URGCP: variants seen among roughly 807,000 people sequenced by gnomAD.
URGCP encodes up-regulator of cell proliferation.
In URGCP, 13 loss-of-function variants were observed where a neutral mutation model predicts 24.6. The observed-to-expected ratio is 0.53, with a 90% confidence interval of 0.34 to 0.84. The LOEUF is 0.84. Ranked by LOEUF, URGCP falls within the 40% of genes least tolerant of loss-of-function variation. The pLI is 0.01. For missense variants in URGCP, 899 were observed against 1,194.3 expected, an observed-to-expected ratio of 0.75 and a Z score of 3.64; for synonymous variants, 444 against 487.2, an observed-to-expected ratio of 0.91 and a Z score of 1.17.
intron 5 of URGCP, chr7:43,881,376 G>A: frequency 1.6e-6 from 1 of 622,206 alleles, no homozygotes; most frequent in Non-Finnish European, 2.8e-6. Context: ...ACATCTCTGG[G>A]TTTCACCTCC....
chr7:43,915,735 G>A (rs758491795), intron 1 of URGCP, among the ~76,000 whole-genome samples: 6 of 152,336 alleles, frequency 3.9e-5, no homozygotes, highest in African/African-American at 9.6e-5. Context: ...TTGGCCAGGC[G>A]CAATGGCTCA....
At chr7:43,915,061 A>C (rs969763686) in intron 1 of URGCP, among the ~76,000 whole-genome samples, 1 of 152,170 alleles carries the variant, frequency 6.6e-6, no homozygotes, top group African/African-American at 2.4e-5. Flanking sequence ...TCTTCAGCTC[A>C]TGTGTGTTGG....
intron 1 of URGCP, chr7:43,906,215 C>T (rs1049347409): frequency 6.6e-6 from 1 of 152,334 alleles, no homozygotes; most frequent in Non-Finnish European, 1.5e-5. Flanking sequence ...AGGACCCGCA[C>T]CCCGGTTCCC....
At chr7:43,881,484 T>G (rs1333559092) in intron 5 of URGCP, among the ~76,000 whole-genome samples, 175 bp downstream of exon 5, 2 of 151,018 alleles carry the variant, frequency 1.3e-5, no homozygotes, top group East Asian at 1.9e-4. Context: ...GTTTTTTTTT[T>G]TTTTTTTTTT....
At chr7:43,918,516 A>C (rs182182765) in intron 1 of URGCP, among the ~76,000 whole-genome samples, 160 of 152,114 alleles carry the variant, frequency 1.1e-3, no homozygotes, top group Non-Finnish European at 1.2e-4. Context: ...CCTGACCTCA[A>C]GTGATCCGCC....
chr7:43,893,736 T>C (rs2095874376), intron 1 of URGCP, among the ~76,000 whole-genome samples: 1 of 152,170 alleles, frequency 6.6e-6, no homozygotes, highest in Non-Finnish European at 1.5e-5. Context: ...ACGGGTGTGA[T>C]GGCACATGCC....
intron 1 of URGCP, among the ~76,000 whole-genome samples, chr7:43,900,712 A>G (rs556225620): frequency 6.6e-6 from 1 of 152,268 alleles, no homozygotes; most frequent in Non-Finnish European, 1.5e-5. Flanking sequence ...CAGGCTCCCA[A>G]AGTGCTGGGA....
At chr7:43,883,352 ATATATATATATTTTTT>A (rs1164446719) in intron 3 of URGCP, among the ~76,000 whole-genome samples, 2 of 97,004 alleles carry the variant, frequency 2.1e-5, no homozygotes, top group African/African-American at 1.3e-4. Flanking sequence ...ATATATATAT[ATATATATATATTTTTT>A]TTTTTTTTTT....
intron 3 of URGCP, among the ~76,000 whole-genome samples, chr7:43,885,778 C>T (rs549440192): frequency 5.3e-5 from 8 of 152,362 alleles, no homozygotes; most frequent in African/African-American, 1.9e-4. Flanking sequence ...ACCTCCCAAG[C>T]TGAAGTTCTC....
At chr7:43,881,335 C>A in intron 5 of URGCP, 1 of 667,768 alleles carries the variant, frequency 1.5e-6, no homozygotes, top group South Asian at 1.6e-5. Context: ...ACATTAGAAT[C>A]AATCACTTCA....
chr7:43,876,273 C>T lies in URGCP; in HGVS notation c.*394G>A. 1 of 191,704 alleles carries T rather than the reference C, an allele frequency of 5.2e-6. No individual in the cohort carries two copies. Among genetic ancestry groups the T allele is most frequent in the Non-Finnish European group, 1.1e-5 (1 of 92,702 alleles). The allele number at this position is 191,704 out of a possible 1,614,324, so 11.9% of individuals were successfully genotyped here. ...AAGGCCTACTTCTGCTTCCTCAGGA[C>T]AACTTCCCCACCTCTGTCCTGGGAC... On this transcript the variant is annotated 3_prime_UTR_variant, in exon 6 of 6. Coordinates refer to ENST00000453200, the MANE Select transcript of URGCP (RefSeq NM_001077663.3).
chr7:43,915,316 C>T (rs2095914310), intron 1 of URGCP, among the ~76,000 whole-genome samples: 1 of 152,128 alleles, frequency 6.6e-6, no homozygotes, highest in Admixed American at 6.5e-5. Flanking sequence ...CCAAAAAAAT[C>T]TGTTTCCCTT....
rs773517448 is a variant in URGCP, at chr7:43,877,297, G to A, written c.2166C>T (p.Ser722=). The change falls in exon 6 of 6, where the codon AGC becomes AGT. Residue 722 remains serine, a synonymous_variant. Transcript: ENST00000453200. ...GCATGAAGGCCCCTCGAGGACCGCA[G>A]CTCTTCCCTGTGGCAAACCGCAGCC... is the stretch of plus-strand genomic sequence containing the variant. ...MFGLRFATGK[S]CGPRGAFMQL... is the part of the protein sequence containing the mutation. The A allele has an allele frequency of 6.2e-7, 1 of 1,613,490 alleles. No individual in the cohort carries two copies. Among genetic ancestry groups the A allele is most frequent in the Non-Finnish European group, 8.5e-7 (1 of 1,180,042 alleles).
intron 1 of URGCP, among the ~76,000 whole-genome samples, chr7:43,903,241 A>G (rs1033779879): frequency 6.6e-6 from 1 of 152,252 alleles, no homozygotes; most frequent in Non-Finnish European, 1.5e-5. Flanking sequence ...AAGAATTTCA[A>G]GGCATATTGT....
intron 1 of URGCP, among the ~76,000 whole-genome samples, chr7:43,893,110 T>C (rs77392273): frequency 0.033 from 5,083 of 152,108 alleles, 259 homozygotes; most frequent in African/African-American, 0.12. Flanking sequence ...GGAGGATCCC[T>C]TTATTCCAGG....
chr7:43,921,789 G>A (rs1183019861), intron 1 of URGCP, among the ~76,000 whole-genome samples: 2 of 152,228 alleles, frequency 1.3e-5, no homozygotes, highest in African/African-American at 2.4e-5. Context: ...ACAAGTTGTG[G>A]AAGGTTTCTT....
At chr7:43,919,202 C>A in intron 1 of URGCP, 1 of 886,636 alleles carries the variant, frequency 1.1e-6, no homozygotes, top group Non-Finnish European at 1.9e-6. Context: ...TGCAGACATA[C>A]TCAGTGTTTC....
chr7:43,895,974 T>A (rs2095877683), intron 1 of URGCP, among the ~76,000 whole-genome samples: 1 of 152,208 alleles, frequency 6.6e-6, no homozygotes, highest in South Asian at 2.1e-4. Context: ...GAACATGTGG[T>A]ATACATGTAT....
At chr7:43,902,708 T>G (rs1393886070) in intron 1 of URGCP, among the ~76,000 whole-genome samples, 3 of 152,224 alleles carry the variant, frequency 2.0e-5, no homozygotes, top group Non-Finnish European at 4.4e-5. Context: ...AAACTTTTCA[T>G]GTATGATGTC....
Sources: allele counts gnomAD v4.1 joint callset (sites outside exome capture counted in the v4.1 genomes callset), GRCh38; gene constraint gnomAD v4.1.1; transcripts MANE v1.5; gene names NCBI Gene and HGNC (gene_info 2026-07-23, HGNC 2026-07-21).